RORA: variants seen among roughly 807,000 people sequenced by gnomAD.
RORA encodes nuclear receptor ROR-alpha.
In RORA, 7 loss-of-function variants were observed where a neutral mutation model predicts 69.5. The ratio of observed to expected loss-of-function variants is 0.10; its 90% CI spans 0.06 to 0.19. RORA has a LOEUF of 0.19. Ranked by LOEUF, RORA falls within the 10% of genes least tolerant of loss-of-function variation. RORA has a pLI of 1.00. For synonymous variants in RORA, 261 were observed against 240.8 expected, an observed-to-expected ratio of 1.08 and a Z score of -0.78; for missense variants, 457 against 663.0, an observed-to-expected ratio of 0.69 and a Z score of 3.41.
chr15:61,188,957 G>C (rs1342370817), intron 1 of RORA, among the ~76,000 whole-genome samples: 1 of 152,144 alleles, frequency 6.6e-6, no homozygotes, highest in Non-Finnish European at 1.5e-5. Flanking sequence ...CACCGAGGAA[G>C]AAAAAATTGT....
chr15:60,678,545 C>T lies in RORA; in HGVS notation c.196+112G>A. 3.6e-6 allele frequency: 3 copies of T among 838,960 alleles called. No homozygotes were observed. The South Asian group carries it at 4.5e-5, about 13-fold the overall frequency. 52.0% of individuals were successfully genotyped at this position (838,960 alleles called of 1,614,324 possible). ...ATTGAAAAAAAATGACCTCTGTTGA[C>T]CATGGATCACAGCTGAAACATTAGT... On this transcript the variant is annotated intron_variant, in intron 2 of 10. Transcript: ENST00000335670.
chr15:60,835,299 T>A (rs2073101570), intron 1 of RORA, among the ~76,000 whole-genome samples: 1 of 152,190 alleles, frequency 6.6e-6, no homozygotes. Context: ...AGAATTTTAA[T>A]AAAAATGGAA....
intron 1 of RORA, among the ~76,000 whole-genome samples, chr15:60,987,542 C>T (rs1251422066): frequency 6.6e-6 from 1 of 152,108 alleles, no homozygotes; most frequent in Admixed American, 6.5e-5. Context: ...TTATTCCAGC[C>T]AATTACTGAT....
chr15:60,590,170 C>CCTCTCTCTCTCTCTCTCTCTCT (rs1426237027), intron 2 of RORA, among the ~76,000 whole-genome samples: 17 of 101,532 alleles, frequency 1.7e-4, no homozygotes, highest in African/African-American at 8.5e-4. Context: ...TCTCCCTCTT[C>CCTCTCTCTCTCTCTCTCTCTCT]CTCTATCTCT....
At chr15:60,694,067 C>A (rs903037490) in intron 1 of RORA, among the ~76,000 whole-genome samples, 11 of 152,138 alleles carry the variant, frequency 7.2e-5, no homozygotes, top group Non-Finnish European at 1.3e-4. Context: ...CTACAGTAAC[C>A]AAAACAGTTG....
intron 3 of RORA, among the ~76,000 whole-genome samples, chr15:60,526,596 C>A (rs1320091160): frequency 6.6e-6 from 1 of 152,206 alleles, no homozygotes; most frequent in Admixed American, 6.5e-5. Flanking sequence ...AAAATTTTCG[C>A]TTACTGCCTG....
chr15:61,182,637 GA>G (rs1384347323), intron 1 of RORA, among the ~76,000 whole-genome samples: 1 of 152,180 alleles, frequency 6.6e-6, no homozygotes, highest in Non-Finnish European at 1.5e-5. Flanking sequence ...AGGAGAAGTA[GA>G]ATATTTCCTA....
chr15:60,775,212 T>A (rs2072144054), intron 1 of RORA, among the ~76,000 whole-genome samples: 1 of 152,182 alleles, frequency 6.6e-6, no homozygotes, highest in Non-Finnish European at 1.5e-5. Flanking sequence ...TCCATGTTAT[T>A]CTGGTCCAAG....
intron 1 of RORA, among the ~76,000 whole-genome samples, chr15:61,227,485 TTAAA>T (rs2080157997): frequency 6.6e-6 from 1 of 151,972 alleles, no homozygotes; most frequent in South Asian, 2.1e-4. Flanking sequence ...TCGCCTTTAA[TTAAA>T]TGTTTTTCGC....
chr15:60,731,304 A>G (rs1284778767), intron 1 of RORA, among the ~76,000 whole-genome samples: 2 of 152,230 alleles, frequency 1.3e-5, no homozygotes, highest in African/African-American at 4.8e-5. Flanking sequence ...CATGGCCAAT[A>G]CTAAGCCTTC....
chr15:60,842,206 T>C (rs866760552), intron 1 of RORA, among the ~76,000 whole-genome samples: 5 of 152,064 alleles, frequency 3.3e-5, no homozygotes, highest in Non-Finnish European at 7.4e-5. Context: ...AGAGCCTCCT[T>C]GCCAACATTC....
chr15:60,737,447 G>A (rs1294596114), intron 1 of RORA, among the ~76,000 whole-genome samples: 1 of 152,128 alleles, frequency 6.6e-6, no homozygotes, highest in African/African-American at 2.4e-5. Flanking sequence ...GTGGCCTCTG[G>A]ACCAGCGGCA....
chr15:60,834,458 CT>C (rs2073088802), intron 1 of RORA, among the ~76,000 whole-genome samples: 1 of 152,134 alleles, frequency 6.6e-6, no homozygotes, highest in African/African-American at 2.4e-5. Context: ...CAGATATGTC[CT>C]AGGATGCCAA....
At chr15:61,064,152 A>AT (rs1280071157) in intron 1 of RORA, among the ~76,000 whole-genome samples, 1 of 152,234 alleles carries the variant, frequency 6.6e-6, no homozygotes, top group Non-Finnish European at 1.5e-5. Context: ...TATTGCCCAC[A>AT]TTATGTAATT....
intron 1 of RORA, among the ~76,000 whole-genome samples, chr15:60,977,468 T>C (rs1484037974): frequency 1.3e-5 from 2 of 152,212 alleles, no homozygotes; most frequent in Non-Finnish European, 2.9e-5. Context: ...TTTAATGAGA[T>C]ACCATTCGAT....
chr15:60,743,355 C>T (rs1176290379), intron 1 of RORA, among the ~76,000 whole-genome samples: 2 of 152,134 alleles, frequency 1.3e-5, no homozygotes, highest in Admixed American at 6.6e-5. Flanking sequence ...TTCTATGATG[C>T]TGGCAAAAAT....
At chr15:60,588,813 A>G (rs980355662) in intron 2 of RORA, among the ~76,000 whole-genome samples, 1 of 152,236 alleles carries the variant, frequency 6.6e-6, no homozygotes, top group African/African-American at 2.4e-5. Context: ...ATGGTTCTCA[A>G]TTCAAATCGT....
intron 5 of RORA, 36 bp from the exon 6 acceptor site, chr15:60,505,665 C>A (rs199876281): frequency 6.2e-7 from 1 of 1,606,770 alleles, no homozygotes; most frequent in Admixed American, 1.7e-5. Context: ...ACACGAAAAG[C>A]GAAGTTCTTT....
chr15:60,909,796 C>A (rs1310674922), intron 1 of RORA, among the ~76,000 whole-genome samples: 1 of 152,190 alleles, frequency 6.6e-6, no homozygotes, highest in African/African-American at 2.4e-5. Context: ...TCAAGTGGGA[C>A]TGGAGTGAAA....
Sources: gnomAD v4.1 joint callset for allele counts (sites outside exome capture counted in the v4.1 genomes callset) on GRCh38, gnomAD v4.1.1 for gene constraint, MANE v1.5 for transcripts, NCBI Gene and HGNC (gene_info 2026-07-23, HGNC 2026-07-21) for gene names.